ESM1: variants seen among roughly 807,000 people sequenced by gnomAD.
The protein encoded by ESM1 is endothelial cell specific molecule 1.
ESM1 carries 7 observed loss-of-function variants against 14.9 expected under a neutral mutation model. The ratio of observed to expected loss-of-function variants is 0.47; its 90% confidence interval spans 0.27 to 0.88. The LOEUF (loss-of-function observed/expected upper bound fraction) is 0.88, where lower values mean the gene tolerates loss of function less well. Ranked by LOEUF, ESM1 falls within the 40% of genes least tolerant of loss-of-function variation. The pLI, the probability that ESM1 is intolerant of heterozygous loss-of-function variation, is 0.14. For synonymous variants in ESM1, 89 were observed against 89.4 expected, an observed-to-expected ratio of 1.00 and a Z score of 0.02; for missense variants, 192 against 237.9, an observed-to-expected ratio of 0.81 and a Z score of 1.27.
At chr5:54,984,679 G>C (rs918293523) in intron 1 of ESM1, among the ~76,000 whole-genome samples, 2 of 152,180 alleles carry the variant, frequency 1.3e-5, no homozygotes, top group Non-Finnish European at 2.9e-5. Context: ...TCTTTGAAGA[G>C]TGAGTTATTT....
At position 54,985,452 on chromosome 5, in the gene ESM1, A is replaced by G. The variant is rs1436866886; in HGVS notation, c.66T>C (p.Asn22=). The change falls in exon 1 of 3, where the codon AAT becomes AAC. Residue 22 remains asparagine (N), a synonymous_variant. Coordinates refer to ENST00000381405, the MANE Select transcript of ESM1 (RefSeq NM_007036.5). ...GTTGAGGGCAGTCCACCGCATAATT[A>G]TTGCTCCAGGCGGCCACCAGGTGTG... ...VPAHLVAAWS[N]NYAVDCPQHC... The G allele has an allele frequency of 6.2e-7, 1 of 1,612,664 alleles. No homozygotes were observed.
Position 54,979,345 on chromosome 5 carries a change from A to C in ESM1, c.542T>G (p.Leu181Ter). Residue 181 changes from leucine (L) to a stop codon, truncating the protein, a stop_gained, in exon 3 of 3, where the codon TTA becomes TGA. Coordinates refer to ENST00000381405, the MANE Select transcript of ESM1 (RefSeq NM_007036.5). LOFTEE classifies it high-confidence loss of function. The part of the protein sequence containing the change: ...AAGSPVMRKW[L>*]NPR ...TCACAGCCGGGATCAGCGTGGATTT[A>C]ACCATTTCCTCATTACGGGAGACCC... is the stretch of plus-strand genomic sequence containing the variant. The C allele has an allele frequency of 6.2e-7, 1 of 1,612,750 alleles. No individual in the cohort carries two copies. Among genetic ancestry groups the C allele is most frequent in the Non-Finnish European group, 8.5e-7 (1 of 1,178,774 alleles).
At chr5:54,983,743 A>T (rs903775604) in intron 1 of ESM1, among the ~76,000 whole-genome samples, 1 of 152,148 alleles carries the variant, frequency 6.6e-6, no homozygotes, top group African/African-American at 2.4e-5. Context: ...AGTGCTAAAG[A>T]CTCCAGATGC....
Position 54,985,509 on chromosome 5 carries a change from G to T in ESM1, c.9C>A (p.Ser3Arg). ...CGAGGAGCGTGGTCAGCAGCAAGAC[G>T]CTCTTCATGTTTCCCAGCTGCCTCC... Reference protein sequence around the residue: MKSVLLLTTLLVP... With the variant: MKRVLLLTTLLVP... The change falls in exon 1 of 3, where the codon AGC becomes AGA. Residue 3 changes from serine to arginine, a missense_variant. Ser to Arg is a moderately radical substitution (Grantham distance 110, BLOSUM62 -1). Coordinates refer to ENST00000381405, the MANE Select transcript of ESM1 (RefSeq NM_007036.5). 1 of 1,590,844 alleles carries T rather than the reference G, an allele frequency of 6.3e-7. No individual in the cohort carries two copies. Among genetic ancestry groups the T allele is most frequent in the Non-Finnish European group, 8.6e-7 (1 of 1,162,728 alleles).
At chr5:54,981,956 G>A (rs1250097792) in intron 2 of ESM1, 41 bp downstream of exon 2, 1 of 1,574,610 alleles carries the variant, frequency 6.4e-7, no homozygotes, top group South Asian at 1.1e-5. Context: ...ACACTGAAAT[G>A]AGACTATTCT....
chr5:54,979,066 A>G lies in ESM1; in HGVS notation c.*266T>C. ...CTCCACGTAAGATTACCTAAATTGC[A>G]TTTTTAGTTCTTCAGTGTTACTATA... On this transcript the variant is annotated 3_prime_UTR_variant, in exon 3 of 3. Coordinates refer to ENST00000381405, the MANE Select transcript of ESM1 (RefSeq NM_007036.5). 1 of 334,404 alleles carries G rather than the reference A, an allele frequency of 3.0e-6. No homozygotes were observed. Among genetic ancestry groups the G allele is most frequent in the Non-Finnish European group, 5.5e-6 (1 of 182,344 alleles). The allele number at this position is 334,404 out of a possible 1,614,324, so 20.7% of individuals were successfully genotyped here. A position where few individuals can be genotyped will look rare whatever the true frequency, so the allele number is the denominator to read the frequency against.
rs146235553 is a variant in ESM1 at position 54,983,347 on chromosome 5, A to T, written c.302-1201T>A. On this transcript the variant is annotated intron_variant, in intron 1 of 2. Transcript: ENST00000381405. Reference sequence around the variant, plus strand: ...GCCTGCAGCGATATTGAAAACTAAAACTTTAGCCAAATTCCCAGAGATACT... The same window carrying T: ...GCCTGCAGCGATATTGAAAACTAAATCTTTAGCCAAATTCCCAGAGATACT... Among the ~76,000 whole-genome samples the T allele has an allele frequency of 5.8e-3, 884 of 152,336 alleles. 3 individuals carry two copies. Among genetic ancestry groups the T allele is most frequent in the African/African-American group, 8.3e-3 (347 of 41,572 alleles).
At position 54,982,020 on chromosome 5, in the gene ESM1, G is replaced by A. The variant is rs778141869; in HGVS notation, c.428C>T (p.Ser143Phe). ...ACCCGTGAGAGAAACAAATCTGTTG[G>A]AAGACTTGGTTACTGAATATTGGAA... ...PFFQYSVTKS[S>F]NRFVSLTEHD... Residue 143 changes from serine (S) to phenylalanine (F), a missense_variant, in exon 2 of 3, where the codon TCC becomes TTC. Physicochemically the swap from Ser to Phe is radical, Grantham distance 155. Transcript: ENST00000381405. The A allele has an allele frequency of 3.7e-6, 6 of 1,614,016 alleles. No individual in the cohort carries two copies. Among genetic ancestry groups the A allele is most frequent in the African/African-American group, 1.3e-5 (1 of 74,914 alleles).
chr5:54,981,527 T>G (rs1164283476), intron 2 of ESM1, among the ~76,000 whole-genome samples: 1 of 152,206 alleles, frequency 6.6e-6, no homozygotes, highest in Non-Finnish European at 1.5e-5. Flanking sequence ...ACTTAAATGC[T>G]TTCATTTGGT....
Position 54,979,223 on chromosome 5 carries a change from C to T in ESM1, c.*109G>A, listed in dbSNP as rs1250588794. ...GGATCCACCATGCATCACATTTGGT[C>T]TTCAAAAATTACATGTCCTTATGCT... On this transcript the variant is annotated 3_prime_UTR_variant, in exon 3 of 3. Coordinates refer to ENST00000381405, the MANE Select transcript of ESM1 (RefSeq NM_007036.5). 1 of 793,600 alleles carries T rather than the reference C, an allele frequency of 1.3e-6. No homozygotes were observed. Among genetic ancestry groups the T allele is most frequent in the Non-Finnish European group, 2.1e-6 (1 of 466,470 alleles). The allele number at this position is 793,600 out of a possible 1,614,324, so 49.2% of individuals were successfully genotyped here. A position where few individuals can be genotyped will look rare whatever the true frequency, so the allele number is the denominator to read the frequency against.
intron 2 of ESM1, among the ~76,000 whole-genome samples, chr5:54,980,867 A>T (rs1744038843): frequency 6.6e-6 from 1 of 152,222 alleles, no homozygotes. Flanking sequence ...TATTTTATTA[A>T]CTTGAAATGC....
intron 1 of ESM1, 124 bp from the exon 2 acceptor site, chr5:54,982,270 T>A: frequency 1.2e-6 from 1 of 847,912 alleles, no homozygotes; most frequent in South Asian, 1.9e-5. Context: ...TAAAGTAAAA[T>A]CCAATTCTCC....
chr5:54,985,536 G>T lies in ESM1; in HGVS notation c.-19C>A, dbSNP rs757217152. 7.0e-6 allele frequency: 11 copies of T among 1,573,192 alleles called. No homozygotes were observed. Among genetic ancestry groups the T allele is most frequent in the Non-Finnish European group, 8.7e-7 (1 of 1,155,982 alleles). Reference sequence around the variant, plus strand: ...TCTTCATGTTTCCCAGCTGCCTCCGGCTCGGCTCTCCAGTCGTGGTCTTTG... The same window carrying T: ...TCTTCATGTTTCCCAGCTGCCTCCGTCTCGGCTCTCCAGTCGTGGTCTTTG... On this transcript the variant is annotated 5_prime_UTR_variant, in exon 1 of 3. Transcript: ENST00000381405.
intron 1 of ESM1, among the ~76,000 whole-genome samples, chr5:54,983,627 C>G (rs1489174308): frequency 6.6e-6 from 1 of 152,136 alleles, no homozygotes; most frequent in Non-Finnish European, 1.5e-5. Context: ...CTATTTCCAG[C>G]AGAGAGAAAA....
At chr5:54,982,893 G>C (rs552823344) in intron 1 of ESM1, among the ~76,000 whole-genome samples, 12 of 152,268 alleles carry the variant, frequency 7.9e-5, no homozygotes, top group African/African-American at 2.9e-4. Context: ...TTACACTTAT[G>C]CCAAAACATC....
chr5:54,982,454 C>A (rs1740406474), intron 1 of ESM1, among the ~76,000 whole-genome samples: 1 of 152,112 alleles, frequency 6.6e-6, no homozygotes, highest in Non-Finnish European at 1.5e-5. Context: ...GCTTAGATAC[C>A]AATAAATTCT....
Position 54,985,242 on chromosome 5 carries a change from A to G in ESM1, c.276T>C (p.Phe92=). Reference sequence around the variant, plus strand: ...CTTTGCAGATACCAAACTCTTCACCAAAAGGATCCTCCCCATTAGAAGGCT... The same window carrying G: ...CTTTGCAGATACCAAACTCTTCACCGAAAGGATCCTCCCCATTAGAAGGCT... ...RCQPSNGEDP[F]GEEFGICKDC... Residue 92 remains phenylalanine (F), a synonymous_variant, in exon 1 of 3, where the codon TTT becomes TTC. Coordinates refer to ENST00000381405, the MANE Select transcript of ESM1 (RefSeq NM_007036.5). 3 of 1,612,382 alleles carry G rather than the reference A, an allele frequency of 1.9e-6. No individual in the cohort carries two copies. Among genetic ancestry groups the G allele is most frequent in the East Asian group, 2.2e-5 (1 of 44,788 alleles).
intron 2 of ESM1, 128 bp from the exon 3 acceptor site, chr5:54,979,563 C>T: frequency 1.5e-6 from 1 of 659,322 alleles, no homozygotes. Flanking sequence ...TCCATGCTAA[C>T]TGTATTCACT....
At chr5:54,984,489 A>C (rs193240802) in intron 1 of ESM1, among the ~76,000 whole-genome samples, 339 of 152,348 alleles carry the variant, frequency 2.2e-3, no homozygotes, top group Middle Eastern at 6.8e-3. Context: ...TTTAGCTAAA[A>C]TTTCAACCGA....
Sources: gnomAD v4.1 joint callset for allele counts (sites outside exome capture counted in the v4.1 genomes callset) on GRCh38, gnomAD v4.1.1 for gene constraint, MANE v1.5 for transcripts, NCBI Gene and HGNC (gene_info 2026-07-23, HGNC 2026-07-21) for gene names.